CD2AP: variants seen among roughly 807,000 people sequenced by gnomAD.
The protein encoded by CD2AP is CD2-associated protein.
CD2AP carries 46 observed loss-of-function variants against 85.1 expected under a neutral mutation model. The ratio of observed to expected loss-of-function variants is 0.54; its 90% CI spans 0.43 to 0.69. The LOEUF (loss-of-function observed/expected upper bound fraction) is 0.69. Ranked by LOEUF, CD2AP falls within the 30% of genes least tolerant of loss-of-function variation. CD2AP has a pLI of 0.00. For synonymous variants in CD2AP, 255 were observed against 252.9 expected (o/e 1.01, Z -0.08); for missense variants, 769 against 729.5 (o/e 1.05, Z -0.62).
chr6:47,573,773 G>A (rs1768222711), intron 5 of CD2AP, among the ~76,000 whole-genome samples: 3 of 152,052 alleles, frequency 2.0e-5, no homozygotes, highest in Non-Finnish European at 4.4e-5. Context: ...ACAGACGTGA[G>A]CCACCACAAC....
intron 3 of CD2AP, among the ~76,000 whole-genome samples, chr6:47,542,282 G>A (rs1163791419): frequency 6.6e-6 from 1 of 152,112 alleles, no homozygotes; most frequent in Non-Finnish European, 1.5e-5. Context: ...AGGATTGTTG[G>A]TGATAGGCTA....
At chr6:47,506,935 C>T (rs1357515083) in intron 2 of CD2AP, among the ~76,000 whole-genome samples, 2 of 152,200 alleles carry the variant, frequency 1.3e-5, no homozygotes, top group African/African-American at 4.8e-5. Flanking sequence ...TTCCCTGTAG[C>T]ATGTGAGCTG....
At chr6:47,599,840 T>A (rs1769075517) in intron 13 of CD2AP, among the ~76,000 whole-genome samples, 1 of 152,032 alleles carries the variant, frequency 6.6e-6, no homozygotes, top group Non-Finnish European at 1.5e-5. Context: ...ACTTTAAATT[T>A]CTCCTCTTAA....
chr6:47,478,956 C>T (rs1476936152), intron 1 of CD2AP, among the ~76,000 whole-genome samples: 1 of 152,140 alleles, frequency 6.6e-6, no homozygotes, highest in Non-Finnish European at 1.5e-5. Context: ...ATGTTATTTA[C>T]TATGTGCTTT....
chr6:47,489,971 T>TTG (rs34345297), intron 1 of CD2AP, among the ~76,000 whole-genome samples: 36,004 of 92,682 alleles, frequency 0.39, 4,468 homozygotes, highest in Non-Finnish European at 0.47. Flanking sequence ...AAGAGACTTT[T>TTG]TTTTTTTTTT....
At chr6:47,615,356 G>T (rs1463525415) in intron 17 of CD2AP, among the ~76,000 whole-genome samples, 1 of 151,856 alleles carries the variant, frequency 6.6e-6, no homozygotes, top group African/African-American at 2.4e-5. Context: ...TTGCTATAAA[G>T]AAATACCTGA....
chr6:47,547,590 A>G (rs966970728), intron 4 of CD2AP, among the ~76,000 whole-genome samples: 3 of 152,150 alleles, frequency 2.0e-5, no homozygotes, highest in African/African-American at 7.2e-5. Flanking sequence ...GGGGACTTCA[A>G]TACTCCACTG....
chr6:47,575,951 T>C lies in CD2AP; in HGVS notation c.730-573T>C, dbSNP rs1363167371. ...TGACTTATACAAATTTGTATTATTG[T>C]TTGAATAGTGCCCACTTAATGCAGA... On this transcript the variant is annotated intron_variant, in intron 6 of 17. Coordinates refer to ENST00000359314, the MANE Select transcript of CD2AP (RefSeq NM_012120.3). Among the ~76,000 whole-genome samples, 5 of 152,362 alleles carry C rather than the reference T, an allele frequency of 3.3e-5. No homozygotes were observed. The South Asian group carries it at 1.0e-3, about 32-fold the overall frequency.
intron 2 of CD2AP, among the ~76,000 whole-genome samples, chr6:47,533,258 C>T (rs58709182): frequency 0.25 from 37,715 of 151,860 alleles, 5,423 homozygotes; most frequent in East Asian, 0.6. Flanking sequence ...AAAATATTTA[C>T]TATCTGGCAC....
chr6:47,519,765 A>T (rs890392808), intron 2 of CD2AP, among the ~76,000 whole-genome samples: 6 of 152,180 alleles, frequency 3.9e-5, no homozygotes, highest in Non-Finnish European at 5.9e-5. Context: ...TAGTCAACAA[A>T]TTTTTTTGAA....
At chr6:47,596,246 C>A (rs1768944062) in intron 12 of CD2AP, among the ~76,000 whole-genome samples, 1 of 152,038 alleles carries the variant, frequency 6.6e-6, no homozygotes, top group African/African-American at 2.4e-5. Context: ...ACTGTGATAA[C>A]CTCACATAGT....
At chr6:47,574,006 G>T in intron 5 of CD2AP, 58 bp from the exon 6 acceptor site, 1 of 1,408,700 alleles carries the variant, frequency 7.1e-7, no homozygotes, top group Non-Finnish European at 1.0e-6. Context: ...ATTATGACAG[G>T]ATGTCAAGCG....
intron 1 of CD2AP, among the ~76,000 whole-genome samples, chr6:47,484,362 T>G (rs2113959261): frequency 6.6e-6 from 1 of 152,184 alleles, no homozygotes; most frequent in Non-Finnish European, 1.5e-5. Context: ...TTTTTTTTTT[T>G]TTTGTTATGT....
chr6:47,582,943 C>G (rs1334847919), intron 11 of CD2AP, among the ~76,000 whole-genome samples: 1 of 151,870 alleles, frequency 6.6e-6, no homozygotes, highest in Non-Finnish European at 1.5e-5. Context: ...CCACCACGCC[C>G]GGCTAATTTT....
chr6:47,495,285 G>A lies in CD2AP; in HGVS notation c.5-7995G>A, dbSNP rs930025384. Among the ~76,000 whole-genome samples the A allele has an allele frequency of 7.2e-5, 11 of 152,148 alleles. No individual in the cohort carries two copies. In the East Asian group the frequency reaches 2.1e-3, roughly 29 times the overall value. On this transcript the variant is annotated intron_variant, in intron 1 of 17. Coordinates refer to ENST00000359314, the MANE Select transcript of CD2AP (RefSeq NM_012120.3). ...TAAGGAGAGGGTGAGATTTGAGATG[G>A]AGACGTAACAGTGGAACAGTCACGT... is the stretch of plus-strand genomic sequence containing the variant.
chr6:47,610,971 A>ATATATATATATATATATTTTT lies in CD2AP; in HGVS notation c.1815-1501_1815-1500insATATATATATATATATTTTTT. ...GATTTATATATATATATATATATGT[A>ATATATATATATATATATTTTT]TTTTTTTTTTTTTTTGAATATAAAA... is the stretch of plus-strand genomic sequence containing the variant. On this transcript the variant is annotated intron_variant, in intron 16 of 17. Coordinates refer to ENST00000359314, the MANE Select transcript of CD2AP (RefSeq NM_012120.3). Among the ~76,000 whole-genome samples the ATATATATATATATATATTTTT allele has an allele frequency of 3.6e-4, 41 of 112,858 alleles. 1 individual carries two copies. Among genetic ancestry groups the ATATATATATATATATATTTTT allele is most frequent in the African/African-American group, 1.4e-3 (39 of 27,830 alleles). 74.0% of individuals were successfully genotyped at this position (112,858 alleles called of 152,430 possible).
At position 47,582,037 on chromosome 6, in the gene CD2AP, A is replaced by G. The variant is rs777122961; in HGVS notation, c.1080A>G (p.Lys360=). Residue 360 remains lysine, a synonymous_variant, in exon 11 of 18, where the codon AAA becomes AAG. Coordinates refer to ENST00000359314, the MANE Select transcript of CD2AP (RefSeq NM_012120.3). ...CTGAACTGATAGCTGCAGAGAAGAA[A>G]TATTTTTCTTTAAAGCCTGAAGAAA... ...PKPELIAAEK[K]YFSLKPEEKD... 3.7e-6 allele frequency: 6 copies of G among 1,608,386 alleles called. No homozygotes were observed. The highest frequency in any genetic ancestry group is 3.3e-5 in the South Asian group (3 of 90,970).
chr6:47,582,421 A>G, intron 11 of CD2AP: 1 of 190,188 alleles, frequency 5.3e-6, no homozygotes, highest in Non-Finnish European at 1.1e-5. Flanking sequence ...CATGAAAATA[A>G]TTAATTACAT....
chr6:47,519,810 CAATAA>C (rs1451486974), intron 2 of CD2AP, among the ~76,000 whole-genome samples: 1 of 151,648 alleles, frequency 6.6e-6, no homozygotes, highest in African/African-American at 2.4e-5. Context: ...TAAGTATTAA[CAATAA>C]AATAGGGAAA....
Sources: gnomAD v4.1 joint callset for allele counts (sites outside exome capture counted in the v4.1 genomes callset) on GRCh38, gnomAD v4.1.1 for gene constraint, MANE v1.5 for transcripts, NCBI Gene and HGNC (gene_info 2026-07-23, HGNC 2026-07-21) for gene names.